Variants in POU2F1 observed in about 807,000 individuals in gnomAD.
The protein encoded by POU2F1 is POU class 2 homeobox 1, also known as POU domain, class 2, transcription factor 1.
POU2F1 carries 16 observed loss-of-function variants against 84.9 expected under a neutral mutation model. The observed-to-expected ratio is 0.19, with a 90% CI of 0.13 to 0.29. The LOEUF (loss-of-function observed/expected upper bound fraction) is 0.29. POU2F1 is among the 10% of genes least tolerant of loss of function. POU2F1 has a pLI of 1.00. For synonymous variants in POU2F1, 368 were observed against 368.3 expected (o/e 1.00, Z 0.01); for missense variants, 738 against 942.6 (o/e 0.78, Z 2.84).
intron 1 of POU2F1, among the ~76,000 whole-genome samples, chr1:167,287,192 A>C (rs1471470724): frequency 6.6e-6 from 1 of 152,218 alleles, no homozygotes; most frequent in Non-Finnish European, 1.5e-5. Flanking sequence ...TTAGCCTTAG[A>C]TCCAAATAGA....
At chr1:167,395,768 C>A (rs1194817648) in intron 9 of POU2F1, among the ~76,000 whole-genome samples, 1 of 151,994 alleles carries the variant, frequency 6.6e-6, no homozygotes, top group Non-Finnish European at 1.5e-5. Context: ...CCATACCTGC[C>A]TAATATTTGT....
intron 8 of POU2F1, among the ~76,000 whole-genome samples, chr1:167,385,306 G>A (rs1211840477): frequency 1.3e-5 from 2 of 152,058 alleles, no homozygotes; most frequent in Non-Finnish European, 2.9e-5. Flanking sequence ...TACCTAGCAG[G>A]CTTTTTTGTA....
chr1:167,319,979 G>A (rs979863851), intron 1 of POU2F1, among the ~76,000 whole-genome samples: 3 of 152,170 alleles, frequency 2.0e-5, no homozygotes, highest in Admixed American at 2.0e-4. Context: ...AAAGTGTCTG[G>A]CATTAGATAT....
intron 2 of POU2F1, chr1:167,338,035 A>G: frequency 2.3e-6 from 1 of 426,520 alleles, no homozygotes; most frequent in Non-Finnish European, 4.7e-6. Context: ...TTGGTAGCAT[A>G]TAGAAACATT....
Position 167,371,973 on chromosome 1 carries a change from G to A in POU2F1, c.339G>A (p.Gln113=). The A allele has an allele frequency of 6.2e-7, 1 of 1,614,138 alleles. No individual in the cohort carries two copies. The highest frequency in any genetic ancestry group is 1.1e-5 in the South Asian group (1 of 91,082). The change falls in exon 5 of 16, where the codon CAG becomes CAA. Residue 113 remains glutamine (Q), a synonymous_variant. Coordinates refer to ENST00000367866, the MANE Select transcript of POU2F1 (RefSeq NM_002697.4). ...AGCAGCCAAGCCAGCCTTCCCAGCA[G>A]CCTTCAGTGCAGGCAGCCATTCCCC... ...DSQQPSQPSQ[Q]PSVQAAIPQT...
chr1:167,339,222 A>G (rs1303361009), intron 2 of POU2F1, among the ~76,000 whole-genome samples: 7 of 151,908 alleles, frequency 4.6e-5, no homozygotes, highest in Non-Finnish European at 8.8e-5. Context: ...TTCCTTCTCT[A>G]ACTCTCCTGT....
chr1:167,288,972 A>G (rs756811079), intron 1 of POU2F1, among the ~76,000 whole-genome samples: 65 of 152,356 alleles, frequency 4.3e-4, no homozygotes, highest in Non-Finnish European at 7.3e-5. Context: ...ATGGCCAAGA[A>G]CATCACAAAC....
chr1:167,332,634 A>G (rs1023510965), intron 2 of POU2F1, 99 bp downstream of exon 2: 2 of 871,854 alleles, frequency 2.3e-6, no homozygotes, highest in Non-Finnish European at 3.6e-6. Context: ...ATACAGACCA[A>G]TTTGAGTATT....
intron 2 of POU2F1, among the ~76,000 whole-genome samples, chr1:167,361,504 A>T (rs559186272): frequency 1.3e-5 from 2 of 152,264 alleles, no homozygotes; most frequent in South Asian, 4.1e-4. Context: ...AACCACCCTT[A>T]CATCCCAGAA....
At chr1:167,315,281 C>T (rs1655803587) in intron 1 of POU2F1, among the ~76,000 whole-genome samples, 1 of 152,176 alleles carries the variant, frequency 6.6e-6, no homozygotes, top group Admixed American at 6.5e-5. Flanking sequence ...AAATTATGTT[C>T]ACATAAAAAT....
intron 2 of POU2F1, among the ~76,000 whole-genome samples, chr1:167,343,707 T>C (rs1658016943): frequency 7.5e-6 from 1 of 133,070 alleles, no homozygotes; most frequent in Non-Finnish European, 1.6e-5. Context: ...AAGGGAGTAA[T>C]TTAAAATGAA....
intron 2 of POU2F1, among the ~76,000 whole-genome samples, chr1:167,352,086 A>G (rs1658621413): frequency 1.3e-5 from 2 of 152,200 alleles, no homozygotes; most frequent in African/African-American, 4.8e-5. Context: ...AATTGAAAGG[A>G]TGCCCATTTT....
intron 2 of POU2F1, among the ~76,000 whole-genome samples, chr1:167,363,130 C>T (rs1659454961): frequency 6.6e-6 from 1 of 152,146 alleles, no homozygotes; most frequent in Non-Finnish European, 1.5e-5. Flanking sequence ...ATCAATGTCT[C>T]TGTTACTTAG....
chr1:167,243,739 G>C (rs1650091002), intron 1 of POU2F1, among the ~76,000 whole-genome samples: 1 of 152,162 alleles, frequency 6.6e-6, no homozygotes, highest in Non-Finnish European at 1.5e-5. Context: ...GCCTCCCAAA[G>C]TGCTGGGATT....
intron 13 of POU2F1, among the ~76,000 whole-genome samples, chr1:167,407,014 TTTTATTTTA>T (rs1164547523): frequency 3.4e-5 from 5 of 145,748 alleles, no homozygotes; most frequent in Admixed American, 2.8e-4. Context: ...ATATATATTT[TTTTATTTTA>T]TTTATTTTAT....
intron 9 of POU2F1, among the ~76,000 whole-genome samples, chr1:167,391,713 C>T (rs972774124): frequency 4.0e-5 from 6 of 151,384 alleles, no homozygotes; most frequent in African/African-American, 1.2e-4. Context: ...GGGACTCAGG[C>T]ACACCACCAC....
intron 2 of POU2F1, among the ~76,000 whole-genome samples, chr1:167,333,459 C>T (rs1657215088): frequency 1.3e-5 from 2 of 152,054 alleles, no homozygotes; most frequent in Non-Finnish European, 2.9e-5. Flanking sequence ...TTTGACTTAT[C>T]ATTTTAAAAA....
Position 167,282,434 on chromosome 1 carries a change from G to A in POU2F1, c.62-50036G>A, listed in dbSNP as rs753228301. Among the ~76,000 whole-genome samples the A allele has an allele frequency of 5.3e-5, 8 of 152,132 alleles. No individual in the cohort carries two copies. In the East Asian group the frequency reaches 1.5e-3, roughly 29 times the overall value. On this transcript the variant is annotated intron_variant, in intron 1 of 15. Transcript: ENST00000367866. ...GCTGGGATTACAGGCGTGACCTACCGCGCCTGGCCAAAAATTTTTAAATTT... is the reference window on the plus strand; with the variant it reads ...GCTGGGATTACAGGCGTGACCTACCACGCCTGGCCAAAAATTTTTAAATTT...
At chr1:167,285,777 T>A (rs1325109992) in intron 1 of POU2F1, among the ~76,000 whole-genome samples, 1 of 152,006 alleles carries the variant, frequency 6.6e-6, no homozygotes, top group Non-Finnish European at 1.5e-5. Context: ...CTGTGGTAGG[T>A]TTTTGGGAAG....
Sources: allele counts gnomAD v4.1 joint callset (sites outside exome capture counted in the v4.1 genomes callset), GRCh38; gene constraint gnomAD v4.1.1; transcripts MANE v1.5; gene names NCBI Gene and HGNC (gene_info 2026-07-23, HGNC 2026-07-21).